Variants in NKAIN2 observed in about 807,000 individuals in gnomAD.
NKAIN2 encodes the protein sodium/potassium transporting ATPase interacting 2, also known as sodium/potassium-transporting ATPase subunit beta-1-interacting protein 2.
NKAIN2 carries 14 observed loss-of-function variants against 32.6 expected under a neutral mutation model. The observed-to-expected ratio is 0.43, with a 90% CI of 0.28 to 0.67. The LOEUF (loss-of-function observed/expected upper bound fraction) is 0.67. Ranked by LOEUF, NKAIN2 falls within the 30% of genes least tolerant of loss-of-function variation. The probability of loss-of-function intolerance (pLI) is 0.17; values close to 1 mark genes in which losing one functional copy is unlikely to be tolerated. For missense variants in NKAIN2, 198 were observed against 258.3 expected (o/e 0.77, Z 1.60); for synonymous variants, 80 against 87.2 (o/e 0.92, Z 0.46).
At chr6:124,009,460 C>A (rs983823524) in intron 1 of NKAIN2, among the ~76,000 whole-genome samples, 1 of 152,272 alleles carries the variant, frequency 6.6e-6, no homozygotes, top group Admixed American at 6.5e-5. Flanking sequence ...ATTCCCTTCA[C>A]AAATACGTGA....
chr6:124,342,039 A>G (rs1412967656), intron 2 of NKAIN2, among the ~76,000 whole-genome samples: 1 of 152,178 alleles, frequency 6.6e-6, no homozygotes, highest in Non-Finnish European at 1.5e-5. Context: ...TTAACTTTGT[A>G]CAAACGGTAA....
intron 1 of NKAIN2, among the ~76,000 whole-genome samples, chr6:124,081,011 T>C (rs1180027295): frequency 6.6e-6 from 1 of 152,134 alleles, no homozygotes; most frequent in Non-Finnish European, 1.5e-5. Flanking sequence ...CAAACATTTA[T>C]TTATTCATTG....
chr6:124,468,741 A>G (rs1776858195), intron 3 of NKAIN2, among the ~76,000 whole-genome samples: 1 of 152,190 alleles, frequency 6.6e-6, no homozygotes, highest in Non-Finnish European at 1.5e-5. Context: ...GATGAAACTT[A>G]TATATGGGCC....
chr6:124,559,406 C>G (rs1230935483), intron 3 of NKAIN2, among the ~76,000 whole-genome samples: 2 of 152,128 alleles, frequency 1.3e-5, no homozygotes, highest in South Asian at 4.1e-4. Context: ...CTAAGTGACT[C>G]ATTTGTCATG....
intron 4 of NKAIN2, among the ~76,000 whole-genome samples, chr6:124,706,696 C>T (rs1252344611): frequency 6.6e-6 from 1 of 152,146 alleles, no homozygotes; most frequent in Non-Finnish European, 1.5e-5. Flanking sequence ...TCACTTAGAA[C>T]ATGGATGCCA....
intron 3 of NKAIN2, among the ~76,000 whole-genome samples, chr6:124,363,790 G>A (rs947786054): frequency 5.3e-5 from 8 of 151,988 alleles, no homozygotes; most frequent in Non-Finnish European, 1.0e-4. Flanking sequence ...AAACATCTTA[G>A]GATAAAGACA....
At chr6:124,295,421 A>G (rs895015913) in intron 2 of NKAIN2, among the ~76,000 whole-genome samples, 2 of 152,136 alleles carry the variant, frequency 1.3e-5, no homozygotes, top group African/African-American at 4.8e-5. Flanking sequence ...TTAGCTGACA[A>G]TTTAGTAAAA....
chr6:124,372,270 A>G (rs569508034), intron 3 of NKAIN2, among the ~76,000 whole-genome samples: 1 of 152,152 alleles, frequency 6.6e-6, no homozygotes, highest in African/African-American at 2.4e-5. Flanking sequence ...TTCAAGTTAC[A>G]TTCTCCCAGC....
At chr6:123,817,664 G>C (rs1773750192) in intron 1 of NKAIN2, among the ~76,000 whole-genome samples, 1 of 152,116 alleles carries the variant, frequency 6.6e-6, no homozygotes, top group South Asian at 2.1e-4. Flanking sequence ...GGAATCTTCA[G>C]GGAGGCAACC....
At chr6:123,893,186 A>G (rs1237260205) in intron 1 of NKAIN2, among the ~76,000 whole-genome samples, 1 of 152,000 alleles carries the variant, frequency 6.6e-6, no homozygotes, top group Admixed American at 6.6e-5. Context: ...AACTCAAAGG[A>G]ATGTATAATA....
chr6:124,613,877 C>T (rs1201030880), intron 3 of NKAIN2, among the ~76,000 whole-genome samples: 1 of 152,102 alleles, frequency 6.6e-6, no homozygotes, highest in Non-Finnish European at 1.5e-5. Context: ...TAGAAGATGC[C>T]ATTAAATATA....
chr6:124,256,256 T>C (rs1465086605), intron 1 of NKAIN2, among the ~76,000 whole-genome samples: 1 of 152,198 alleles, frequency 6.6e-6, no homozygotes, highest in African/African-American at 2.4e-5. Context: ...TTAGGAAAAC[T>C]GCATTGGTTT....
At chr6:124,331,367 A>C (rs946528791) in intron 2 of NKAIN2, among the ~76,000 whole-genome samples, 51 of 142,960 alleles carry the variant, frequency 3.6e-4, no homozygotes, top group Non-Finnish European at 6.7e-4. Context: ...AAAAAAAAAA[A>C]AAAAAAAAAA....
At chr6:123,943,763 G>C (rs1647501611) in intron 1 of NKAIN2, among the ~76,000 whole-genome samples, 1 of 151,982 alleles carries the variant, frequency 6.6e-6, no homozygotes, top group Non-Finnish European at 1.5e-5. Flanking sequence ...GTATTCCATT[G>C]TTCTAGGTAT....
chr6:124,111,377 G>A (rs1785377905), intron 1 of NKAIN2, among the ~76,000 whole-genome samples: 1 of 148,344 alleles, frequency 6.7e-6, no homozygotes, highest in African/African-American at 2.4e-5. Context: ...ATATATCGAG[G>A]TGCTCTGATG....
intron 3 of NKAIN2, among the ~76,000 whole-genome samples, chr6:124,390,309 C>A (rs62436269): frequency 0.024 from 3,666 of 152,128 alleles, 97 homozygotes; most frequent in Non-Finnish European, 0.034. Context: ...GTTTACTAAC[C>A]ATTCTGGAAC....
intron 4 of NKAIN2, among the ~76,000 whole-genome samples, chr6:124,693,449 C>T (rs568344969): frequency 1.1e-4 from 16 of 152,284 alleles, no homozygotes; most frequent in African/African-American, 3.8e-4. Context: ...TCAGAACCAT[C>T]GCTAAATGAT....
At chr6:124,627,974 AT>A (rs917318319) in intron 3 of NKAIN2, among the ~76,000 whole-genome samples, 1 of 152,138 alleles carries the variant, frequency 6.6e-6, no homozygotes, top group Non-Finnish European at 1.5e-5. Context: ...ACTCACATGC[AT>A]TTTTCACTTA....
At chr6:124,486,704 A>G (rs1777666091) in intron 3 of NKAIN2, among the ~76,000 whole-genome samples, 1 of 152,124 alleles carries the variant, frequency 6.6e-6, no homozygotes, top group Non-Finnish European at 1.5e-5. Flanking sequence ...TAAAAAGGAA[A>G]GCTTATTCCT....
Sources: allele counts gnomAD v4.1 joint callset (sites outside exome capture counted in the v4.1 genomes callset), GRCh38; gene constraint gnomAD v4.1.1; transcripts MANE v1.5; gene names NCBI Gene and HGNC (gene_info 2026-07-23, HGNC 2026-07-21).